The following FSD1 variants were observed in gnomAD, a reference collection of about 807,000 sequenced individuals.
The protein encoded by FSD1 is fibronectin type III and SPRY domain-containing protein 1.
A neutral mutation model predicts 58.2 loss-of-function variants in FSD1; 23 were observed. The ratio of observed to expected loss-of-function variants is 0.40; its 90% confidence interval spans 0.28 to 0.56. The LOEUF (loss-of-function observed/expected upper bound fraction) is 0.56. Among genes scored for constraint, FSD1 ranks in the 20% least tolerant of loss-of-function variants. The probability of loss-of-function intolerance (pLI) is 0.54; values close to 1 mark genes in which losing one functional copy is unlikely to be tolerated. For missense variants in FSD1, 563 were observed against 670.8 expected, an observed-to-expected ratio of 0.84 and a Z score of 1.78; for synonymous variants, 265 against 263.4, an observed-to-expected ratio of 1.01 and a Z score of -0.06.
intron 6 of FSD1, 46 bp downstream of exon 6, chr19:4,310,642 C>T: frequency 1.3e-6 from 2 of 1,587,250 alleles, no homozygotes; most frequent in Non-Finnish European, 1.7e-6. Context: ...GGGGAATGAC[C>T]TGGGAGGCTA....
At chr19:4,315,181 A>C (rs1057192003) in intron 7 of FSD1, among the ~76,000 whole-genome samples, 1 of 151,736 alleles carries the variant, frequency 6.6e-6, no homozygotes, top group Non-Finnish European at 1.5e-5. Flanking sequence ...GCTGGAGTAC[A>C]GTGGCTTGAT....
Position 4,310,514 on chromosome 19 carries a change from G to A in FSD1, c.408G>A (p.Ala136=), listed in dbSNP as rs752988066. The A allele has an allele frequency of 3.0e-5, 48 of 1,613,670 alleles. No homozygotes were observed. The highest frequency in any genetic ancestry group is 1.4e-4 in the South Asian group (13 of 91,074). Residue 136 remains alanine, a synonymous_variant, in exon 6 of 13, where the codon GCG becomes GCA. Transcript: ENST00000221856. ...CTGCCTTCCGGCTATCATTGAAAGC[G>A]AAGGTCAGTGACAACATGAGTCACC... The part of the protein sequence containing the change: ...MAPAFRLSLK[A]KVSDNMSHLM...
At chr19:4,310,823 G>A in intron 6 of FSD1, 1 of 499,846 alleles carries the variant, frequency 2.0e-6, no homozygotes, top group East Asian at 3.6e-5. Flanking sequence ...GTGACATCCT[G>A]GGAAAACTCT....
At chr19:4,322,955 C>CCCTGCCCACCCCT in intron 10 of FSD1, 31 bp from the exon 11 acceptor site, 1 of 1,591,130 alleles carries the variant, frequency 6.3e-7, no homozygotes. Context: ...TATCCAGTTC[C>CCCTGCCCACCCCT]CCTGCCCACC....
rs747522449 is a variant in FSD1 at position 4,322,968 on chromosome 19, T to TA, written c.1040-18_1040-17insA. On this transcript the variant is annotated splice_polypyrimidine_tract_variant and intron_variant, in intron 10 of 12. Coordinates refer to ENST00000221856, the MANE Select transcript of FSD1 (RefSeq NM_024333.3). ...TCTATCCAGTTCCCCTGCCCACCCC[T>TA]CCTGCCCTGCGCCACAGGGGACACG... The TA allele has an allele frequency of 6.2e-7, 1 of 1,602,360 alleles. No individual in the cohort carries two copies. Among genetic ancestry groups the TA allele is most frequent in the South Asian group, 1.1e-5 (1 of 89,804 alleles).
In FSD1 at chr19:4,304,641, G is replaced by A. The variant is rs900041911; in HGVS notation, c.-106G>A. ...GAGCGCTAACCGGGGGCGCGGCGGC[G>A]GCGAGGGCTCGGCGGGCCATTGGCT... On this transcript the variant is annotated 5_prime_UTR_variant, in exon 1 of 13. Transcript: ENST00000221856. The A allele has an allele frequency of 6.2e-6, 4 of 640,232 alleles. No individual in the cohort carries two copies. Among genetic ancestry groups the A allele is most frequent in the African/African-American group, 3.8e-5 (2 of 52,930 alleles). 39.7% of individuals were successfully genotyped at this position (640,232 alleles called of 1,614,324 possible).
intron 10 of FSD1, among the ~76,000 whole-genome samples, chr19:4,321,038 AG>A (rs1971809758): frequency 1.4e-5 from 1 of 71,188 alleles, no homozygotes; most frequent in Non-Finnish European, 2.8e-5. Context: ...GAGTATCTGG[AG>A]GGGAATCGCT....
intron 6 of FSD1, 139 bp from the exon 7 acceptor site, chr19:4,311,703 C>T: frequency 4.5e-6 from 3 of 670,212 alleles, no homozygotes; most frequent in Non-Finnish European, 7.7e-6. Flanking sequence ...AAAAAGTCTC[C>T]ACCCTGCCAA....
rs967973631 is a variant in FSD1 at position 4,319,039 on chromosome 19, C to A, written c.1039+88C>A. On this transcript the variant is annotated intron_variant, in intron 10 of 12. Coordinates refer to ENST00000221856, the MANE Select transcript of FSD1 (RefSeq NM_024333.3). Reference sequence around the variant, plus strand: ...GAGGGAGAACCTTTGCCTTTGGCTGCGGAAACAGGCAGCCATCAGCAAAGC... The same window carrying A: ...GAGGGAGAACCTTTGCCTTTGGCTGAGGAAACAGGCAGCCATCAGCAAAGC... 5 of 996,690 alleles carry A rather than the reference C, an allele frequency of 5.0e-6. No individual in the cohort carries two copies. In the Admixed American group the frequency reaches 9.6e-5, roughly 19 times the overall value. The allele number at this position is 996,690 out of a possible 1,614,324, so 61.7% of individuals were successfully genotyped here.
chr19:4,317,743 G>T (rs973162307), intron 8 of FSD1, among the ~76,000 whole-genome samples: 3 of 152,246 alleles, frequency 2.0e-5, no homozygotes, highest in Non-Finnish European at 4.4e-5. Flanking sequence ...CAGAGGCTGG[G>T]CACAGTGGCT....
rs1971596337 is a variant in FSD1, at chr19:4,304,725, C to G, written c.-22C>G. ...CGTGCGCGGGGCCCGCGGGCCGGGCCGGGGTGACCTGGGCTGCAGCCATGG... is the reference window on the plus strand; with the variant it reads ...CGTGCGCGGGGCCCGCGGGCCGGGCGGGGGTGACCTGGGCTGCAGCCATGG... On this transcript the variant is annotated 5_prime_UTR_variant, in exon 1 of 13. Transcript: ENST00000221856. 1 of 941,556 alleles carries G rather than the reference C, an allele frequency of 1.1e-6. No individual in the cohort carries two copies. Among genetic ancestry groups the G allele is most frequent in the Non-Finnish European group, 1.2e-6 (1 of 812,818 alleles). The allele number at this position is 941,556 out of a possible 1,614,324, so 58.3% of individuals were successfully genotyped here.
chr19:4,311,731 G>A, intron 6 of FSD1, 111 bp from the exon 7 acceptor site: 1 of 880,186 alleles, frequency 1.1e-6, no homozygotes, highest in Non-Finnish European at 1.8e-6. Context: ...ACCCCTTTGT[G>A]GCCATGCCCC....
chr19:4,318,921 C>T lies in FSD1; in HGVS notation c.1009C>T (p.Arg337Cys), dbSNP rs772189489. 6.2e-6 allele frequency: 10 copies of T among 1,613,442 alleles called. No homozygotes were observed. Among genetic ancestry groups the T allele is most frequent in the Admixed American group, 1.7e-5 (1 of 59,978 alleles). ...GCCCTCAGGTCGTGGGGGACGGGAC[C>T]GCTTCACCGCTGAGTCCTACACAGT... Reference protein sequence around the residue: ...RMPSGRGGRDRFTAESYTVLG... With the variant: ...RMPSGRGGRDCFTAESYTVLG... The change falls in exon 10 of 13, where the codon CGC becomes TGC. Residue 337 changes from arginine (R) to cysteine (C), a missense_variant. Coordinates refer to ENST00000221856, the MANE Select transcript of FSD1 (RefSeq NM_024333.3).
chr19:4,317,328 C>A, intron 8 of FSD1, 48 bp downstream of exon 8: 1 of 1,097,834 alleles, frequency 9.1e-7, no homozygotes, highest in Non-Finnish European at 1.4e-6. Flanking sequence ...TGGCCCCTTC[C>A]TCCCACAGCC....
At chr19:4,305,041 C>A (rs1466141280) in intron 1 of FSD1, among the ~76,000 whole-genome samples, 1 of 141,538 alleles carries the variant, frequency 7.1e-6, no homozygotes, top group Non-Finnish European at 1.6e-5. Context: ...CCCACGCCCT[C>A]CCTCCTGGCC....
chr19:4,319,001 A>G, intron 10 of FSD1, 50 bp downstream of exon 10: 1 of 1,433,550 alleles, frequency 7.0e-7, no homozygotes. Context: ...GCAGGGGCCT[A>G]ATGGTGGGGG....
Position 4,306,005 on chromosome 19 carries a change from T to C in FSD1, c.75T>C (p.Phe25=), listed in dbSNP as rs779203116. The change falls in exon 2 of 13, where the codon TTT becomes TTC. Residue 25 remains phenylalanine (F), a synonymous_variant. Coordinates refer to ENST00000221856, the MANE Select transcript of FSD1 (RefSeq NM_024333.3). ...LAVKNEEIQS[F]IYSLKQMLLN... is the part of the protein sequence containing the mutation. ...TGAAGAATGAAGAAATTCAGAGCTTTATCTACTCCCTGAAACAGATGCTGC... is the reference window on the plus strand; with the variant it reads ...TGAAGAATGAAGAAATTCAGAGCTTCATCTACTCCCTGAAACAGATGCTGC... 6.8e-6 allele frequency: 11 copies of C among 1,614,106 alleles called. No homozygotes were observed. The highest frequency in any genetic ancestry group is 2.2e-5 in the East Asian group (1 of 44,874).
intron 10 of FSD1, among the ~76,000 whole-genome samples, chr19:4,320,478 G>A (rs943740354): frequency 2.6e-5 from 4 of 152,202 alleles, no homozygotes; most frequent in South Asian, 2.1e-4. Context: ...GAACTGAGGG[G>A]TATTTGGACA....
chr19:4,305,846 G>T, intron 1 of FSD1, 100 bp from the exon 2 acceptor site: 2 of 832,662 alleles, frequency 2.4e-6, no homozygotes, highest in Non-Finnish European at 4.1e-6. Flanking sequence ...GTACGTGTGT[G>T]CATGTGTGTG....
Sources: gnomAD v4.1 joint callset for allele counts (sites outside exome capture counted in the v4.1 genomes callset) on GRCh38, gnomAD v4.1.1 for gene constraint, MANE v1.5 for transcripts, NCBI Gene and HGNC (gene_info 2026-07-23, HGNC 2026-07-21) for gene names.